The following MAGI2 variants were observed in gnomAD, a reference collection of about 807,000 sequenced individuals.
MAGI2 encodes membrane associated guanylate kinase, WW and PDZ domain containing 2.
A neutral mutation model predicts 133.3 loss-of-function variants in MAGI2; 35 were observed. That is an observed-to-expected ratio of 0.26 (90% CI 0.20 to 0.35). MAGI2 has a LOEUF of 0.35. MAGI2 is among the 10% of genes least tolerant of loss of function. The pLI is 1.00. For missense variants in MAGI2, 1,636 were observed against 1,863.4 expected (o/e 0.88, Z 2.25); for synonymous variants, 729 against 710.6 (o/e 1.03, Z -0.41).
At chr7:78,990,153 T>C (rs1805624592) in intron 2 of MAGI2, among the ~76,000 whole-genome samples, 1 of 152,060 alleles carries the variant, frequency 6.6e-6, no homozygotes. Context: ...TTCTGTGAGA[T>C]AGATGCTATT....
At chr7:78,811,708 G>T (rs539280571) in intron 2 of MAGI2, among the ~76,000 whole-genome samples, 2 of 152,320 alleles carry the variant, frequency 1.3e-5, no homozygotes, top group East Asian at 3.9e-4. Context: ...GTTTAGAGAA[G>T]GCCAAATTTG....
rs1477973480 is a variant in MAGI2 at position 78,019,948 on chromosome 7, A to C, written c.3735T>G (p.Ala1245=). ...YDEPAPWSSP[A]AAAPGLPEVG... ...CTTCCGGCAGACCTGGGGCGGCGGCAGCGGGAGAACTCCAGGGGGCGGGTT... is the reference window on the plus strand; with the variant it reads ...CTTCCGGCAGACCTGGGGCGGCGGCCGCGGGAGAACTCCAGGGGGCGGGTT... The change falls in exon 22 of 22, where the codon GCT becomes GCG. Residue 1245 remains alanine, a synonymous_variant. Transcript: ENST00000354212. The C allele has an allele frequency of 6.2e-7, 1 of 1,608,202 alleles. No individual in the cohort carries two copies. The highest frequency in any genetic ancestry group is 8.5e-7 in the Non-Finnish European group (1 of 1,177,946).
chr7:78,617,227 T>A (rs1214122973), intron 3 of MAGI2: 1 of 152,122 alleles, frequency 6.6e-6, no homozygotes. Context: ...GCTGGTTATT[T>A]GAGAAACAGA....
At chr7:78,239,732 T>C (rs1231123955) in intron 10 of MAGI2, among the ~76,000 whole-genome samples, 1 of 152,162 alleles carries the variant, frequency 6.6e-6, no homozygotes, top group Non-Finnish European at 1.5e-5. Flanking sequence ...GTTAGAATAG[T>C]TATTAGGAAA....
At chr7:78,530,588 A>G (rs1342553420) in intron 3 of MAGI2, among the ~76,000 whole-genome samples, 1 of 152,086 alleles carries the variant, frequency 6.6e-6, no homozygotes. Context: ...GAAACAGACA[A>G]TACTCATAGT....
intron 2 of MAGI2, among the ~76,000 whole-genome samples, chr7:78,972,576 G>C (rs977178076): frequency 6.6e-6 from 1 of 151,764 alleles, no homozygotes; most frequent in Non-Finnish European, 1.5e-5. Context: ...AAATAGTGCA[G>C]AATTGAGGTA....
chr7:79,117,493 A>T (rs1343880151), intron 1 of MAGI2, among the ~76,000 whole-genome samples: 1 of 152,184 alleles, frequency 6.6e-6, no homozygotes, highest in African/African-American at 2.4e-5. Flanking sequence ...AATCATAAAT[A>T]GTTTTGAAAC....
At chr7:79,039,379 C>T (rs1349932639) in intron 1 of MAGI2, among the ~76,000 whole-genome samples, 1 of 152,028 alleles carries the variant, frequency 6.6e-6, no homozygotes, top group Admixed American at 6.6e-5. Flanking sequence ...TTCTTCACAG[C>T]AGCATGAGAA....
At chr7:78,706,263 TAGTG>T (rs1170420833) in intron 2 of MAGI2, among the ~76,000 whole-genome samples, 2 of 152,066 alleles carry the variant, frequency 1.3e-5, no homozygotes, top group Non-Finnish European at 2.9e-5. Context: ...ATTCTTGTGA[TAGTG>T]AGTAAGTCTC....
intron 2 of MAGI2, among the ~76,000 whole-genome samples, chr7:78,633,557 T>C (rs1809275694): frequency 6.6e-6 from 1 of 151,844 alleles, no homozygotes; most frequent in South Asian, 2.1e-4. Context: ...TACAAAAAAA[T>C]TAGCCGGGCG....
chr7:78,092,072 T>C (rs1817265270), intron 20 of MAGI2, among the ~76,000 whole-genome samples: 1 of 152,216 alleles, frequency 6.6e-6, no homozygotes, highest in South Asian at 2.1e-4. Flanking sequence ...CAAAACTACA[T>C]GTGTTAAAGT....
At chr7:78,097,556 T>C (rs1472132768) in intron 20 of MAGI2, among the ~76,000 whole-genome samples, 7 of 152,060 alleles carry the variant, frequency 4.6e-5, no homozygotes, top group Non-Finnish European at 8.8e-5. Flanking sequence ...AGCAAACTAA[T>C]ACAGGAACAG....
intron 2 of MAGI2, among the ~76,000 whole-genome samples, chr7:78,734,926 T>C (rs1251533242): frequency 6.6e-6 from 1 of 152,188 alleles, no homozygotes; most frequent in Non-Finnish European, 1.5e-5. Flanking sequence ...ATGTTCTTTG[T>C]TGTATGCCAC....
intron 2 of MAGI2, among the ~76,000 whole-genome samples, chr7:78,638,830 C>G (rs1342373004): frequency 6.6e-6 from 1 of 152,008 alleles, no homozygotes; most frequent in Admixed American, 6.6e-5. Context: ...TAGATATGTT[C>G]TATATTTGGC....
intron 20 of MAGI2, among the ~76,000 whole-genome samples, chr7:78,107,095 C>T (rs1198563221): frequency 6.6e-6 from 1 of 152,126 alleles, no homozygotes; most frequent in Non-Finnish European, 1.5e-5. Flanking sequence ...TTTCCCAGCA[C>T]CATTTTTGAA....
intron 1 of MAGI2, among the ~76,000 whole-genome samples, chr7:79,362,417 T>C (rs1490936256): frequency 1.3e-5 from 2 of 152,098 alleles, no homozygotes. Flanking sequence ...ACTGTTTCAC[T>C]TGAGAATTTT....
At chr7:78,039,147 G>A (rs1300823271) in intron 21 of MAGI2, among the ~76,000 whole-genome samples, 1 of 152,132 alleles carries the variant, frequency 6.6e-6, no homozygotes, top group Non-Finnish European at 1.5e-5. Context: ...CTGCAGCCAA[G>A]TACCTGGCCC....
chr7:79,409,384 C>T (rs1402296706), intron 1 of MAGI2, among the ~76,000 whole-genome samples: 1 of 151,972 alleles, frequency 6.6e-6, no homozygotes, highest in Non-Finnish European at 1.5e-5. Flanking sequence ...CTCAGCCTCT[C>T]GAGTAGCTGC....
At chr7:78,645,737 CTT>C (rs541719231) in intron 2 of MAGI2, among the ~76,000 whole-genome samples, 14 of 139,044 alleles carry the variant, frequency 1.0e-4, no homozygotes, top group East Asian at 6.3e-4. Context: ...AATAGCAAAA[CTT>C]TTTTTTTTTT....
Sources: allele counts gnomAD v4.1 joint callset (sites outside exome capture counted in the v4.1 genomes callset), GRCh38; gene constraint gnomAD v4.1.1; transcripts MANE v1.5; gene names NCBI Gene and HGNC (gene_info 2026-07-23, HGNC 2026-07-21).